Variants in AGMO observed in about 807,000 individuals in gnomAD.
The protein encoded by AGMO is glyceryl-ether monooxygenase.
AGMO carries 75 observed loss-of-function variants against 60.2 expected under a neutral mutation model. That is an observed-to-expected ratio of 1.25 (90% CI 1.03 to 1.51). The LOEUF (loss-of-function observed/expected upper bound fraction) is 1.51, where lower values mean the gene tolerates loss of function less well. AGMO is among the 40% of genes most tolerant of loss of function. The probability of loss-of-function intolerance (pLI) is 0.00; values close to 1 mark genes in which losing one functional copy is unlikely to be tolerated. For synonymous variants in AGMO, 261 were observed against 177.1 expected (o/e 1.47, Z -3.76); for missense variants, 763 against 525.5 (o/e 1.45, Z -4.42).
chr7:15,519,865 T>C (rs770390700), intron 3 of AGMO, among the ~76,000 whole-genome samples: 1 of 150,738 alleles, frequency 6.6e-6, no homozygotes, highest in Admixed American at 6.6e-5. Flanking sequence ...GACTGGCAAA[T>C]TGGAGAAAGA....
At chr7:15,453,316 T>A (rs184193640) in intron 3 of AGMO, among the ~76,000 whole-genome samples, 1 of 152,216 alleles carries the variant, frequency 6.6e-6, no homozygotes, top group East Asian at 1.9e-4. Flanking sequence ...TCTTATAATA[T>A]GTCTTTTCAC....
chr7:15,560,297 A>T, intron 1 of AGMO, 26 bp from the exon 2 acceptor site: 3 of 1,608,782 alleles, frequency 1.9e-6, no homozygotes, highest in South Asian at 2.2e-5. Context: ...CAGAAAAGAG[A>T]TGCTATTATG....
chr7:15,301,713 AG>A (rs1355997658), intron 12 of AGMO, among the ~76,000 whole-genome samples: 1 of 152,204 alleles, frequency 6.6e-6, no homozygotes, highest in Non-Finnish European at 1.5e-5. Context: ...TAAAAACCCA[AG>A]AAAAAATGAC....
chr7:15,473,682 A>G (rs1782514931), intron 3 of AGMO, among the ~76,000 whole-genome samples: 1 of 152,130 alleles, frequency 6.6e-6, no homozygotes, highest in Non-Finnish European at 1.5e-5. Context: ...CACCACTCCT[A>G]TTCAACTTAA....
chr7:15,486,641 A>C (rs1583602811), intron 3 of AGMO, among the ~76,000 whole-genome samples: 1 of 152,338 alleles, frequency 6.6e-6, no homozygotes, highest in East Asian at 1.9e-4. Flanking sequence ...GACACCAATT[A>C]CAACACACTG....
At chr7:15,480,097 T>C (rs1782709905) in intron 3 of AGMO, among the ~76,000 whole-genome samples, 1 of 151,906 alleles carries the variant, frequency 6.6e-6, no homozygotes, top group Non-Finnish European at 1.5e-5. Flanking sequence ...CCTGAGAAGA[T>C]GTTGAGCCTG....
chr7:15,466,454 A>G (rs145806024), intron 3 of AGMO, among the ~76,000 whole-genome samples: 11 of 152,338 alleles, frequency 7.2e-5, no homozygotes, highest in Admixed American at 2.0e-4. Context: ...CTATTAACAC[A>G]TCTAATTTTC....
At chr7:15,442,724 T>C (rs888095441) in intron 3 of AGMO, among the ~76,000 whole-genome samples, 2 of 152,072 alleles carry the variant, frequency 1.3e-5, no homozygotes, top group East Asian at 3.9e-4. Context: ...CAGGCACTCC[T>C]GCCTTCATGC....
At chr7:15,292,737 CTCCTTTTTTTT>C (rs1380539714) in intron 12 of AGMO, among the ~76,000 whole-genome samples, 32 of 146,902 alleles carry the variant, frequency 2.2e-4, no homozygotes, top group African/African-American at 7.1e-4. Flanking sequence ...ATACAGTCTC[CTCCTTTTTTTT>C]TCCTTTTTTT....
intron 3 of AGMO, among the ~76,000 whole-genome samples, chr7:15,450,827 G>C (rs1017293382): frequency 6.6e-6 from 1 of 151,962 alleles, no homozygotes; most frequent in Admixed American, 6.6e-5. Flanking sequence ...CAACTCATTA[G>C]GCAAGTTTCC....
At chr7:15,294,127 A>G (rs1042747489) in intron 12 of AGMO, among the ~76,000 whole-genome samples, 2 of 152,138 alleles carry the variant, frequency 1.3e-5, no homozygotes, top group African/African-American at 4.8e-5. Flanking sequence ...TTTTCAAACT[A>G]TGTGCCAAGA....
chr7:15,344,678 A>G (rs1781971495), intron 12 of AGMO, among the ~76,000 whole-genome samples: 1 of 152,172 alleles, frequency 6.6e-6, no homozygotes, highest in African/African-American at 2.4e-5. Context: ...AGCCTGGGTG[A>G]CAGAGCAAGA....
intron 12 of AGMO, among the ~76,000 whole-genome samples, chr7:15,355,504 CAAAAA>C (rs56695710): frequency 3.2e-4 from 26 of 81,736 alleles, no homozygotes; most frequent in African/African-American, 1.2e-3. Flanking sequence ...GACTCTGTCT[CAAAAA>C]AAAAAAAAAA....
chr7:15,462,484 A>C (rs78838543), intron 3 of AGMO, among the ~76,000 whole-genome samples: 7,254 of 152,232 alleles, frequency 0.048, 226 homozygotes, highest in African/African-American at 0.087. Context: ...TGTCTGATTA[A>C]GTACTAAAAT....
intron 12 of AGMO, among the ~76,000 whole-genome samples, chr7:15,226,813 A>C (rs1583307301): frequency 6.6e-6 from 1 of 152,088 alleles, no homozygotes; most frequent in East Asian, 1.9e-4. Flanking sequence ...CTCACTATTA[A>C]AGTCACTGTC....
At chr7:15,229,895 G>A (rs1782206579) in intron 12 of AGMO, among the ~76,000 whole-genome samples, 1 of 151,350 alleles carries the variant, frequency 6.6e-6, no homozygotes, top group African/African-American at 2.4e-5. Context: ...AAAGGAATTA[G>A]AAACATTATC....
intron 5 of AGMO, among the ~76,000 whole-genome samples, chr7:15,404,069 CAATATT>C (rs990881347): frequency 6.6e-6 from 1 of 151,780 alleles, no homozygotes; most frequent in African/African-American, 2.4e-5. Flanking sequence ...AGTGAAAAAA[CAATATT>C]TATAGTTTGG....
chr7:15,225,942 C>T (rs1782068658), intron 12 of AGMO, among the ~76,000 whole-genome samples: 1 of 151,822 alleles, frequency 6.6e-6, no homozygotes, highest in South Asian at 2.1e-4. Flanking sequence ...ATCTATCTGA[C>T]ACACAGTACA....
chr7:15,393,689 G>A (rs1173889413), intron 6 of AGMO, among the ~76,000 whole-genome samples: 1 of 152,164 alleles, frequency 6.6e-6, no homozygotes. Context: ...AAGGTGAAGT[G>A]TTGTTTATTG....
Sources: allele counts gnomAD v4.1 joint callset (sites outside exome capture counted in the v4.1 genomes callset), GRCh38; gene constraint gnomAD v4.1.1; transcripts MANE v1.5; gene names NCBI Gene and HGNC (gene_info 2026-07-23, HGNC 2026-07-21).